Variants in P4HA1 observed in about 807,000 individuals in gnomAD.
P4HA1 encodes the protein prolyl 4-hydroxylase subunit alpha-1.
A neutral mutation model predicts 72.8 loss-of-function variants in P4HA1; 24 were observed. The ratio of observed to expected loss-of-function variants is 0.33; its 90% confidence interval spans 0.24 to 0.46. P4HA1 has a LOEUF of 0.46. P4HA1 is among the 20% of genes least tolerant of loss of function. The pLI is 1.00. For synonymous variants in P4HA1, 201 were observed against 218.8 expected, an observed-to-expected ratio of 0.92 and a Z score of 0.72; for missense variants, 446 against 640.6, an observed-to-expected ratio of 0.70 and a Z score of 3.28.
chr10:73,055,977 T>C (rs966538593), intron 5 of P4HA1, among the ~76,000 whole-genome samples: 8 of 152,252 alleles, frequency 5.3e-5, no homozygotes, highest in Non-Finnish European at 2.9e-5. Context: ...GTGCTCCTGA[T>C]GTTATAACAT....
rs982234571 is a variant in P4HA1 at position 73,068,778 on chromosome 10, A to G, written c.463+68T>C. 8 of 1,253,124 alleles carry G rather than the reference A, an allele frequency of 6.4e-6. No homozygotes were observed. In the African/African-American group the frequency reaches 1.2e-4, roughly 19 times the overall value. The allele number at this position is 1,253,124 out of a possible 1,614,324, so 77.6% of individuals were successfully genotyped here. ...AAATGCAAGTCTTTTTTATACTAAC[A>G]TTGTGTTAATGGACTCAACAGAGAA... On this transcript the variant is annotated intron_variant, in intron 5 of 14. Coordinates refer to ENST00000394890, the MANE Select transcript of P4HA1 (RefSeq NM_001017962.3).
rs1157972087 is a variant in P4HA1, at chr10:73,092,346, C to CTT, written c.-33+4418_-33+4419dup. ...ATTGTAAATAATTTTTTTTTCTTTT[C>CTT]TTTTTTTTTTTTTTTTTTTTAGAGA... On this transcript the variant is annotated intron_variant, in intron 1 of 14. Coordinates refer to ENST00000394890, the MANE Select transcript of P4HA1 (RefSeq NM_001017962.3). Among the ~76,000 whole-genome samples, 45 of 112,334 alleles carry CTT rather than the reference C, an allele frequency of 4.0e-4. 1 individual carries two copies. Among genetic ancestry groups the CTT allele is most frequent in the South Asian group, 8.5e-4 (3 of 3,516 alleles). 73.7% of individuals were successfully genotyped at this position (112,334 alleles called of 152,430 possible). A position where few individuals can be genotyped will look rare whatever the true frequency, so the allele number is the denominator to read the frequency against.
At chr10:73,090,292 C>T (rs1842001800) in intron 1 of P4HA1, among the ~76,000 whole-genome samples, 1 of 150,870 alleles carries the variant, frequency 6.6e-6, no homozygotes, top group South Asian at 2.1e-4. Context: ...CCATCACACC[C>T]AGCTAATGTT....
At chr10:73,058,738 T>C (rs1470918285) in intron 5 of P4HA1, among the ~76,000 whole-genome samples, 1 of 149,714 alleles carries the variant, frequency 6.7e-6, no homozygotes, top group Non-Finnish European at 1.5e-5. Flanking sequence ...ATCAATAAAT[T>C]AAAGCACCAA....
chr10:73,069,270 T>C (rs773724259), intron 4 of P4HA1, among the ~76,000 whole-genome samples: 1 of 152,314 alleles, frequency 6.6e-6, no homozygotes, highest in African/African-American at 2.4e-5. Flanking sequence ...TATGAGTTTT[T>C]AGTTATATAA....
intron 8 of P4HA1, 132 bp from the exon 9 acceptor site, chr10:73,045,183 A>C: frequency 3.1e-6 from 2 of 636,642 alleles, no homozygotes; most frequent in Non-Finnish European, 2.6e-6. Flanking sequence ...ACTTCCAGTC[A>C]CCTTGTGCTG....
chr10:73,033,897 C>CT (rs1314810369), intron 9 of P4HA1, among the ~76,000 whole-genome samples: 8 of 152,090 alleles, frequency 5.3e-5, no homozygotes, highest in Non-Finnish European at 1.2e-4. Context: ...AAATAAAAAC[C>CT]TTTTATGCTT....
intron 4 of P4HA1, among the ~76,000 whole-genome samples, chr10:73,069,829 C>G (rs151207666): frequency 0.041 from 6,029 of 145,598 alleles, 419 homozygotes; most frequent in African/African-American, 0.15. Flanking sequence ...TTTTTTGAGA[C>G]AGTCTCACTC....
intron 5 of P4HA1, among the ~76,000 whole-genome samples, chr10:73,061,579 G>A (rs1485758727): frequency 2.0e-5 from 3 of 152,062 alleles, no homozygotes; most frequent in Non-Finnish European, 2.9e-5. Context: ...TGTTAAGCAG[G>A]GAGATAGTAA....
chr10:73,029,415 CAAAA>C (rs769323241), intron 10 of P4HA1, among the ~76,000 whole-genome samples: 2 of 56,938 alleles, frequency 3.5e-5, no homozygotes. Context: ...GACTCCATCT[CAAAA>C]AAAAAAAAAA....
Position 73,082,421 on chromosome 10 carries a change from A to G in P4HA1, c.-32-7506T>C, listed in dbSNP as rs571838359. On this transcript the variant is annotated intron_variant, in intron 1 of 14. Transcript: ENST00000394890. ...CCAAGAAAAAGTTGTAAAATTTTCA[A>G]AAGTTTATATCTCCCAGACAAATCA... 10 of 152,342 alleles carry G rather than the reference A, an allele frequency of 6.6e-5. No individual in the cohort carries two copies. In the South Asian group the frequency reaches 2.1e-3, roughly 32 times the overall value. 9.4% of individuals were successfully genotyped at this position (152,342 alleles called of 1,614,324 possible).
chr10:73,043,902 T>C (rs1304444556), intron 9 of P4HA1: 36 of 1,611,076 alleles, frequency 2.2e-5, no homozygotes, highest in Non-Finnish European at 3.1e-5. Flanking sequence ...AGATACTCTG[T>C]ACTGTGCTGT....
chr10:73,041,546 C>CA (rs1230471255), intron 9 of P4HA1, among the ~76,000 whole-genome samples: 3 of 148,138 alleles, frequency 2.0e-5, no homozygotes, highest in South Asian at 2.1e-4. Context: ...CCATCCCCCC[C>CA]CCAAAAAAAA....
Position 73,028,307 on chromosome 10 carries a change from A to AACACACACACAC in P4HA1, c.1248+1952_1248+1963dup, listed in dbSNP as rs10561551. 4.8e-3 allele frequency among the ~76,000 whole-genome samples: 689 copies of AACACACACACAC among 143,734 alleles called. 3 individuals are homozygous for AACACACACACAC. The highest frequency in any genetic ancestry group is 0.015 in the African/African-American group (600 of 39,184). The allele number at this position is 143,734 out of a possible 152,430, so 94.3% of individuals were successfully genotyped here. A position where few individuals can be genotyped will look rare whatever the true frequency, so the allele number is the denominator to read the frequency against. On this transcript the variant is annotated intron_variant, in intron 10 of 14. Coordinates refer to ENST00000394890, the MANE Select transcript of P4HA1 (RefSeq NM_001017962.3). ...ATGGCATCAAACCGTGTCACTGTAA[A>AACACACACACAC]ACACACACACACACACACACACACA...
intron 1 of P4HA1, among the ~76,000 whole-genome samples, chr10:73,093,701 G>C (rs1171734485): frequency 2.0e-5 from 3 of 150,090 alleles, no homozygotes; most frequent in Non-Finnish European, 3.0e-5. Flanking sequence ...AAATTAGCTG[G>C]GCGTGATGGT....
intron 9 of P4HA1, among the ~76,000 whole-genome samples, chr10:73,040,476 A>AT (rs1217054869): frequency 0.085 from 10,516 of 123,542 alleles, 677 homozygotes; most frequent in East Asian, 0.28. Flanking sequence ...GAATTCATGA[A>AT]TTTTTTTTTT....
chr10:73,014,401 G>A (rs1175651281), intron 11 of P4HA1, 112 bp from the exon 12 acceptor site: 9 of 773,690 alleles, frequency 1.2e-5, no homozygotes, highest in East Asian at 2.6e-5. Flanking sequence ...AACAACAACC[G>A]CAAAAGTTTC....
intron 7 of P4HA1, 152 bp from the exon 8 acceptor site, chr10:73,047,253 G>T: frequency 1.6e-6 from 1 of 624,214 alleles, no homozygotes; most frequent in Non-Finnish European, 2.7e-6. Context: ...CAAATATTTT[G>T]CCTCAAACAG....
chr10:73,055,985 C>T (rs1841139110), intron 5 of P4HA1, among the ~76,000 whole-genome samples: 1 of 152,184 alleles, frequency 6.6e-6, no homozygotes, highest in African/African-American at 2.4e-5. Flanking sequence ...GATGTTATAA[C>T]ATTAAATGGC....
Sources: gnomAD v4.1 joint callset for allele counts (sites outside exome capture counted in the v4.1 genomes callset) on GRCh38, gnomAD v4.1.1 for gene constraint, MANE v1.5 for transcripts, NCBI Gene and HGNC (gene_info 2026-07-23, HGNC 2026-07-21) for gene names.